RGSL1: variants seen among roughly 807,000 people sequenced by gnomAD.
RGSL1 encodes regulator of G protein signaling protein-like.
Under a neutral mutation model 124.7 loss-of-function variants are expected in RGSL1, and 97 were observed. The observed-to-expected ratio is 0.78, with a 90% confidence interval of 0.66 to 0.92. RGSL1 has a LOEUF of 0.92. RGSL1 is among the 40% of genes least tolerant of loss of function. The pLI is 0.00. For missense variants in RGSL1, 1,233 were observed against 1,288.4 expected (o/e 0.96, Z 0.66); for synonymous variants, 424 against 438.1 (o/e 0.97, Z 0.40).
intron 9 of RGSL1, among the ~76,000 whole-genome samples, chr1:182,514,672 C>T (rs950457343): frequency 6.6e-6 from 1 of 152,140 alleles, no homozygotes; most frequent in African/African-American, 2.4e-5. Context: ...TGTTGGAGGG[C>T]AAGAGTGAGA....
At chr1:182,520,541 C>G (rs191306261) in intron 9 of RGSL1, among the ~76,000 whole-genome samples, 13 of 152,270 alleles carry the variant, frequency 8.5e-5, no homozygotes, top group Middle Eastern at 6.8e-3. Context: ...TTGTTATAAA[C>G]TGACATTCCT....
At chr1:182,478,261 T>C (rs1479257759) in intron 6 of RGSL1, among the ~76,000 whole-genome samples, 1 of 152,064 alleles carries the variant, frequency 6.6e-6, no homozygotes, top group Non-Finnish European at 1.5e-5. Context: ...ATAATCATCT[T>C]AGAGAAGCTC....
intron 18 of RGSL1, among the ~76,000 whole-genome samples, chr1:182,552,761 A>C (rs998403072): frequency 6.6e-6 from 1 of 152,232 alleles, no homozygotes; most frequent in African/African-American, 2.4e-5. Context: ...TTTACGCTGC[A>C]TCACCCCATG....
At chr1:182,539,214 T>G (rs1659735279) in intron 14 of RGSL1, among the ~76,000 whole-genome samples, 1 of 152,212 alleles carries the variant, frequency 6.6e-6, no homozygotes, top group Admixed American at 6.5e-5. Context: ...ATTTGGTGAA[T>G]TTATCACCCT....
intron 6 of RGSL1, among the ~76,000 whole-genome samples, chr1:182,482,409 A>AT (rs999377818): frequency 8.2e-5 from 12 of 146,002 alleles, no homozygotes; most frequent in Admixed American, 8.0e-4. Context: ...AAAATAAAAA[A>AT]TAAAAAAAAG....
At chr1:182,495,405 T>C (rs925741781) in intron 9 of RGSL1, among the ~76,000 whole-genome samples, 2 of 152,214 alleles carry the variant, frequency 1.3e-5, no homozygotes, top group Non-Finnish European at 2.9e-5. Flanking sequence ...TACAAAGATC[T>C]CCACATGTCA....
intron 9 of RGSL1, among the ~76,000 whole-genome samples, chr1:182,498,994 T>C (rs559607004): frequency 6.6e-6 from 1 of 152,302 alleles, no homozygotes; most frequent in African/African-American, 2.4e-5. Flanking sequence ...GGTTTCACAA[T>C]GTTGGCCAGG....
chr1:182,458,591 T>G (rs1652545463), intron 3 of RGSL1, among the ~76,000 whole-genome samples, 198 bp downstream of exon 3: 1 of 152,136 alleles, frequency 6.6e-6, no homozygotes, highest in East Asian at 1.9e-4. Context: ...CACCTAAGCC[T>G]CCCAAATAGC....
chr1:182,556,689 C>A (rs1660884496), intron 21 of RGSL1, among the ~76,000 whole-genome samples: 1 of 152,138 alleles, frequency 6.6e-6, no homozygotes, highest in Admixed American at 6.5e-5. Context: ...ACTTTTCATG[C>A]ACAAAAGGAA....
chr1:182,477,475 C>A (rs1294600199), intron 6 of RGSL1, among the ~76,000 whole-genome samples: 1 of 152,232 alleles, frequency 6.6e-6, no homozygotes, highest in Non-Finnish European at 1.5e-5. Context: ...GCAGGAACCA[C>A]ACCCTGATAA....
rs531701284 is a variant in RGSL1 at position 182,458,940 on chromosome 1, A to C, written c.171+547A>C. Among the ~76,000 whole-genome samples, 5 of 152,302 alleles carry C rather than the reference A, an allele frequency of 3.3e-5. No individual in the cohort carries two copies. The South Asian group carries it at 1.0e-3, about 32-fold the overall frequency. On this transcript the variant is annotated intron_variant, in intron 3 of 21. Coordinates refer to ENST00000294854, the MANE Select transcript of RGSL1 (RefSeq NM_001137669.2). ...CTCTTATCCAAGCAATTGCTGGTGA[A>C]TTATTTCCATTATATTCTAGCCCAT... is the stretch of plus-strand genomic sequence containing the variant.
At chr1:182,559,708 C>A (rs989428330) in intron 21 of RGSL1, among the ~76,000 whole-genome samples, 3 of 152,158 alleles carry the variant, frequency 2.0e-5, no homozygotes, top group African/African-American at 7.2e-5. Flanking sequence ...CCAGGTTTAT[C>A]TTTTTCCTCT....
intron 5 of RGSL1, among the ~76,000 whole-genome samples, chr1:182,472,760 A>G (rs971116619): frequency 6.6e-6 from 1 of 152,180 alleles, no homozygotes; most frequent in African/African-American, 2.4e-5. Context: ...GCCTCTCTCT[A>G]AGATACTACC....
intron 6 of RGSL1, among the ~76,000 whole-genome samples, chr1:182,485,765 G>A (rs1655050701): frequency 6.6e-6 from 1 of 152,134 alleles, no homozygotes; most frequent in African/African-American, 2.4e-5. Flanking sequence ...CTTCCCACAT[G>A]TATTTGCATG....
Position 182,478,529 on chromosome 1 carries a change from A to T in RGSL1, c.1431+3987A>T, listed in dbSNP as rs566435610. On this transcript the variant is annotated intron_variant, in intron 6 of 21. Transcript: ENST00000294854. Reference sequence around the variant, plus strand: ...TGTTTTAAGCAGAAGAAAGAAATGAACTCAAAGACAGATCATTTCAGAAAT... The same window carrying T: ...TGTTTTAAGCAGAAGAAAGAAATGATCTCAAAGACAGATCATTTCAGAAAT... Among the ~76,000 whole-genome samples, 4 of 152,196 alleles carry T rather than the reference A, an allele frequency of 2.6e-5. No homozygotes were observed. The South Asian group carries it at 8.3e-4, about 32-fold the overall frequency.
intron 1 of RGSL1, 40 bp from the exon 2 acceptor site, chr1:182,453,918 G>A: frequency 1.8e-6 from 2 of 1,100,982 alleles, no homozygotes; most frequent in Non-Finnish European, 2.7e-6. Context: ...ATGCAATTCT[G>A]GTTCATGTTT....
chr1:182,535,743 C>T (rs1389571759), intron 14 of RGSL1, among the ~76,000 whole-genome samples: 5 of 152,058 alleles, frequency 3.3e-5, no homozygotes, highest in Admixed American at 1.3e-4. Flanking sequence ...ATTCTTGCTG[C>T]TTTGTTTTCT....
chr1:182,558,026 T>C (rs1660961711), intron 21 of RGSL1, among the ~76,000 whole-genome samples: 1 of 151,524 alleles, frequency 6.6e-6, no homozygotes, highest in Non-Finnish European at 1.5e-5. Flanking sequence ...CAACCTGGTG[T>C]TGCCAGAGCT....
chr1:182,526,654 C>A (rs1658769599), intron 10 of RGSL1, among the ~76,000 whole-genome samples: 1 of 152,008 alleles, frequency 6.6e-6, no homozygotes, highest in African/African-American at 2.4e-5. Flanking sequence ...CCTGGGTTAC[C>A]AAGTGGAATT....
Sources: allele counts gnomAD v4.1 joint callset (sites outside exome capture counted in the v4.1 genomes callset), GRCh38; gene constraint gnomAD v4.1.1; transcripts MANE v1.5; gene names NCBI Gene and HGNC (gene_info 2026-07-23, HGNC 2026-07-21).